The following PCBP2 variants were observed in gnomAD, a reference collection of about 807,000 sequenced individuals.
PCBP2 encodes poly(rC) binding protein 2, also known as poly(rC)-binding protein 2.
A neutral mutation model predicts 50.1 loss-of-function variants in PCBP2; 4 were observed. That is an observed-to-expected ratio of 0.08 (90% CI 0.04 to 0.18). The LOEUF is 0.18. PCBP2 is among the 10% of genes least tolerant of loss of function. The probability of loss-of-function intolerance (pLI) is 1.00; values close to 1 mark genes in which losing one functional copy is unlikely to be tolerated. For missense variants in PCBP2, 161 were observed against 474.3 expected, an observed-to-expected ratio of 0.34 and a Z score of 6.14; for synonymous variants, 179 against 168.0, an observed-to-expected ratio of 1.07 and a Z score of -0.51.
intron 10 of PCBP2, among the ~76,000 whole-genome samples, 183 bp from the exon 11 acceptor site, chr12:53,467,038 C>T (rs1460858185): frequency 2.0e-5 from 3 of 152,152 alleles, no homozygotes; most frequent in African/African-American, 4.8e-5. Flanking sequence ...CTATTTCTAA[C>T]CCTTACCCTT....
At chr12:53,465,296 G>A (rs1034106266) in intron 9 of PCBP2, among the ~76,000 whole-genome samples, 1 of 151,936 alleles carries the variant, frequency 6.6e-6, no homozygotes, top group Non-Finnish European at 1.5e-5. Flanking sequence ...AGGTTATGTT[G>A]TGGGGGGGAG....
At chr12:53,455,409 A>G (rs747105377) in intron 3 of PCBP2, 39 bp downstream of exon 3, 4 of 1,613,956 alleles carry the variant, frequency 2.5e-6, no homozygotes, top group Non-Finnish European at 3.4e-6. Context: ...ACCATTTAGT[A>G]ATTCTGGATT....
chr12:53,460,407 A>G (rs1026773002), intron 6 of PCBP2: 6 of 380,094 alleles, frequency 1.6e-5, no homozygotes, highest in Admixed American at 6.1e-5. Context: ...TGGTCTCCCA[A>G]AGTGCTCGGA....
intron 14 of PCBP2, chr12:53,475,782 T>C (rs1480929573): frequency 2.6e-5 from 4 of 152,196 alleles, no homozygotes; most frequent in African/African-American, 4.8e-5. Context: ...TTTGTCAATA[T>C]TTCCACAAAG....
At position 53,479,481 on chromosome 12, in the gene PCBP2, A is replaced by G; in HGVS notation, c.*39A>G. On this transcript the variant is annotated 3_prime_UTR_variant, in exon 15 of 15. Coordinates refer to ENST00000546463, the MANE Select transcript of PCBP2 (RefSeq NM_031989.5). ...CATCCATAATCCCTTTCTGCTGTTC[A>G]CCACCACCCATGATCCATCTGTGTA... 6.4e-7 allele frequency: 1 copy of G among 1,566,762 alleles called. No individual in the cohort carries two copies. The highest frequency in any genetic ancestry group is 8.8e-7 in the Non-Finnish European group (1 of 1,138,168).
In PCBP2 at chr12:53,467,245, A is replaced by T; in HGVS notation, c.739A>T (p.Met247Leu). Reference sequence around the variant, plus strand: ...GTTGACCAAGCTGCACCAGTTGGCAATGCAACAGTCTCATTTTCCCATGAC... The same window carrying T: ...GTTGACCAAGCTGCACCAGTTGGCATTGCAACAGTCTCATTTTCCCATGAC... ...PDLTKLHQLA[M>L]QQSHFPMTHG... is the part of the protein sequence containing the mutation. Residue 247 changes from methionine (M) to leucine (L), a missense_variant, in exon 11 of 15, where the codon ATG becomes TTG. Met to Leu is a conservative substitution (Grantham distance 15). Around this residue, in one of 7 missense-constraint regions of PCBP2, gnomAD observed 51 missense variants for 193.0 expected, o/e 0.26. Transcript: ENST00000546463. The T allele has an allele frequency of 6.2e-7, 1 of 1,614,092 alleles. No homozygotes were observed. The highest frequency in any genetic ancestry group is 1.1e-5 in the South Asian group (1 of 91,084).
chr12:53,467,109 T>C, intron 10 of PCBP2, 112 bp from the exon 11 acceptor site: 3 of 726,378 alleles, frequency 4.1e-6, no homozygotes, highest in African/African-American at 1.7e-5. Flanking sequence ...TGTTGTAGTT[T>C]GAGTAGTAGA....
rs750466269 is a variant in PCBP2 at position 53,468,759 on chromosome 12, C to T, written c.827-18C>T. 13 of 1,604,360 alleles carry T rather than the reference C, an allele frequency of 8.1e-6. No individual in the cohort carries two copies. Among genetic ancestry groups the T allele is most frequent in the South Asian group, 6.6e-5 (6 of 90,750 alleles). The stretch of plus-strand genomic sequence containing the variant: ...GAATGCTGTGCATTGAATTTGCTTG[C>T]TCTCTTCTGTCTTTTAGCAGGTTTG... On this transcript the variant is annotated intron_variant, in intron 12 of 14. Transcript: ENST00000546463.
Position 53,481,144 on chromosome 12 carries a change from A to T in PCBP2, c.*1702A>T. 1.1e-6 allele frequency: 1 copy of T among 887,376 alleles called. No individual in the cohort carries two copies. The allele number at this position is 887,376 out of a possible 1,614,324, so 55.0% of individuals were successfully genotyped here. On this transcript the variant is annotated 3_prime_UTR_variant, in exon 15 of 15. Coordinates refer to ENST00000546463, the MANE Select transcript of PCBP2 (RefSeq NM_031989.5). The stretch of plus-strand genomic sequence containing the variant: ...ATATATGTATATATATATAATTTAT[A>T]TAAATATTTCTCTATGTACAAGGAA...
intron 14 of PCBP2, chr12:53,476,141 A>G (rs1451578166): frequency 1.3e-5 from 2 of 152,310 alleles, no homozygotes; most frequent in Non-Finnish European, 1.5e-5. Context: ...ACAACTTGAC[A>G]TGATGCCATC....
chr12:53,455,208 T>C (rs78543405), intron 2 of PCBP2, 139 bp from the exon 3 acceptor site: 2 of 765,738 alleles, frequency 2.6e-6, no homozygotes, highest in Admixed American at 5.7e-5. Flanking sequence ...TAGATAGCAG[T>C]CTGTTGGCTA....
intron 14 of PCBP2, 29 bp from the exon 15 acceptor site, chr12:53,479,377 C>G: frequency 6.2e-7 from 1 of 1,611,624 alleles, no homozygotes; most frequent in Non-Finnish European, 8.5e-7. Flanking sequence ...ACTGGGGAAA[C>G]TAACTGAGTT....
chr12:53,474,759 A>G (rs1303307927), intron 14 of PCBP2: 1 of 340,592 alleles, frequency 2.9e-6, no homozygotes, highest in African/African-American at 2.2e-5. Flanking sequence ...ATTGTCAACC[A>G]GAGGCACTTA....
intron 13 of PCBP2, among the ~76,000 whole-genome samples, chr12:53,471,047 G>GCCAA: frequency 6.6e-6 from 1 of 152,052 alleles, no homozygotes; most frequent in Non-Finnish European, 1.5e-5. Flanking sequence ...TTCTGAGTTG[G>GCCAA]CTCAGAACTG....
At chr12:53,462,020 AT>A (rs1193731779) in intron 7 of PCBP2, among the ~76,000 whole-genome samples, 3 of 152,134 alleles carry the variant, frequency 2.0e-5, no homozygotes, top group Non-Finnish European at 4.4e-5. Flanking sequence ...GGAAACTGGA[AT>A]TTTCAAGTAG....
At chr12:53,477,664 T>TAA (rs1423469814) in intron 14 of PCBP2, among the ~76,000 whole-genome samples, 1 of 14,750 alleles carries the variant, frequency 6.8e-5, no homozygotes, top group Non-Finnish European at 1.4e-4. Flanking sequence ...AGACTCTGTC[T>TAA]CAAAAAAAAA....
chr12:53,464,127 C>T (rs1592657072), intron 8 of PCBP2, among the ~76,000 whole-genome samples: 1 of 152,150 alleles, frequency 6.6e-6, no homozygotes, highest in South Asian at 2.1e-4. Context: ...AGGATTTAGC[C>T]TTAGGAGTTT....
At chr12:53,460,957 G>A in intron 6 of PCBP2, 58 bp from the exon 7 acceptor site, 1 of 1,585,318 alleles carries the variant, frequency 6.3e-7, no homozygotes, top group East Asian at 2.2e-5. Flanking sequence ...TGCTGCTGGA[G>A]GAATTGGAAG....
chr12:53,464,894 C>A, intron 9 of PCBP2, 42 bp downstream of exon 9: 1 of 1,552,568 alleles, frequency 6.4e-7, no homozygotes, highest in Middle Eastern at 1.7e-4. Context: ...CTCAATCCTT[C>A]CGCCTCAGCC....
Sources: allele counts gnomAD v4.1 joint callset (sites outside exome capture counted in the v4.1 genomes callset), GRCh38; gene constraint gnomAD v4.1.1; regional missense constraint gnomAD v4.1.1; transcripts MANE v1.5; gene names NCBI Gene and HGNC (gene_info 2026-07-23, HGNC 2026-07-21).